TMEM39B: variants seen among roughly 807,000 people sequenced by gnomAD.
TMEM39B encodes the protein transmembrane protein 39B.
TMEM39B carries 23 observed loss-of-function variants against 52.2 expected under a neutral mutation model. That is an observed-to-expected ratio of 0.44 (90% CI 0.32 to 0.62). The LOEUF is 0.62. Among genes scored for constraint, TMEM39B ranks in the 20% least tolerant of loss-of-function variants. The pLI is 0.06. For missense variants in TMEM39B, 547 were observed against 642.0 expected, an observed-to-expected ratio of 0.85 and a Z score of 1.60; for synonymous variants, 285 against 264.0, an observed-to-expected ratio of 1.08 and a Z score of -0.77.
chr1:32,081,772 T>C lies in TMEM39B; in HGVS notation c.590+4454T>C, dbSNP rs189416039. Among the ~76,000 whole-genome samples, 9 of 152,212 alleles carry C rather than the reference T, an allele frequency of 5.9e-5. No individual in the cohort carries two copies. The East Asian group carries it at 1.5e-3, about 26-fold the overall frequency. ...CAAAAAAAAGAAAATTATTGATTTA[T>C]TTTAGAATTGAATAAGAGGTTTACA... On this transcript the variant is annotated intron_variant, in intron 5 of 8. Coordinates refer to ENST00000336294, the MANE Select transcript of TMEM39B (RefSeq NM_018056.4).
At chr1:32,087,749 AC>A (rs1303721573) in intron 5 of TMEM39B, 1 of 139,168 alleles carries the variant, frequency 7.2e-6, no homozygotes, top group South Asian at 2.5e-4. Context: ...ACCCAGGTTC[AC>A]ACCATTCTCC....
At chr1:32,081,438 G>T (rs1640097628) in intron 5 of TMEM39B, among the ~76,000 whole-genome samples, 2 of 151,802 alleles carry the variant, frequency 1.3e-5, no homozygotes, top group African/African-American at 4.8e-5. Context: ...TACCTAGCCT[G>T]CTTATTCTTT....
upstream of TMEM39B, among the ~76,000 whole-genome samples, chr1:32,072,727 TGA>T (rs1639689299): frequency 6.6e-6 from 1 of 152,174 alleles, no homozygotes; most frequent in African/African-American, 2.4e-5. Context: ...CAGGAGATGC[TGA>T]GAGAAGACAC....
At position 32,072,958 on chromosome 1, in the gene TMEM39B, C is replaced by T. The variant is rs903498478; in HGVS notation, c.-90C>T. ...GCGGCTGATACCCGGGACTGGGCTG[C>T]GGCGGTTAGTCCTCTCCCGGCCGCC... On this transcript the variant is annotated 5_prime_UTR_variant, in exon 1 of 9. Coordinates refer to ENST00000336294, the MANE Select transcript of TMEM39B (RefSeq NM_018056.4). 5 of 1,493,528 alleles carry T rather than the reference C, an allele frequency of 3.3e-6. No individual in the cohort carries two copies. Among genetic ancestry groups the T allele is most frequent in the African/African-American group, 2.9e-5 (2 of 70,022 alleles). 92.5% of individuals were successfully genotyped at this position (1,493,528 alleles called of 1,614,324 possible). A position where few individuals can be genotyped will look rare whatever the true frequency, so the allele number is the denominator to read the frequency against.
intron 3 of TMEM39B, 103 bp from the exon 4 acceptor site, chr1:32,076,660 G>A: frequency 8.6e-6 from 10 of 1,168,772 alleles, no homozygotes; most frequent in South Asian, 1.3e-5. Context: ...AGAGAATGAG[G>A]ACAGTCTCTG....
chr1:32,091,729 C>T lies in TMEM39B; in HGVS notation c.645C>T (p.Ser215=). 1 of 1,614,030 alleles carries T rather than the reference C, an allele frequency of 6.2e-7. No individual in the cohort carries two copies. Among genetic ancestry groups the T allele is most frequent in the South Asian group, 1.1e-5 (1 of 91,062 alleles). Residue 215 remains serine, a synonymous_variant, in exon 6 of 9, where the codon AGC becomes AGT. Coordinates refer to ENST00000336294, the MANE Select transcript of TMEM39B (RefSeq NM_018056.4). ...LQLNCDLRKT[S]LFNHMASMGP... ...TGAATTGCGACCTCCGCAAGACAAG[C>T]CTCTTCAACCACATGGCCTCCATGG...
chr1:32,102,715 A>G lies in TMEM39B; in HGVS notation c.*42A>G, dbSNP rs555467766. 2 of 1,419,486 alleles carry G rather than the reference A, an allele frequency of 1.4e-6. No individual in the cohort carries two copies. Among genetic ancestry groups the G allele is most frequent in the Non-Finnish European group, 1.9e-6 (2 of 1,078,426 alleles). The allele number at this position is 1,419,486 out of a possible 1,614,324, so 87.9% of individuals were successfully genotyped here. A position where few individuals can be genotyped will look rare whatever the true frequency, so the allele number is the denominator to read the frequency against. ...AGGGACAGCGTCCAGGCTTCAGCCA[A>G]GGGCTCCCTGGCAAGGGGCTGTTGG... On this transcript the variant is annotated 3_prime_UTR_variant, in exon 9 of 9. Transcript: ENST00000336294.
At chr1:32,076,999 A>C (rs1639890689) in intron 4 of TMEM39B, among the ~76,000 whole-genome samples, 153 bp downstream of exon 4, 1 of 152,020 alleles carries the variant, frequency 6.6e-6, no homozygotes. Context: ...CCCATCTTGG[A>C]GTTTACTGGG....
intron 7 of TMEM39B, 41 bp downstream of exon 7, chr1:32,095,012 T>C (rs768531603): frequency 1.9e-6 from 3 of 1,600,342 alleles, no homozygotes; most frequent in Middle Eastern, 1.7e-4. Flanking sequence ...CCAGCCCTTC[T>C]GGTCAGCATC....
chr1:32,097,176 T>G (rs993063000), intron 7 of TMEM39B, among the ~76,000 whole-genome samples: 2 of 152,066 alleles, frequency 1.3e-5, no homozygotes, highest in African/African-American at 4.8e-5. Flanking sequence ...CACCCCTCAT[T>G]CAAGATATAG....
chr1:32,087,316 T>C (rs1640395632), intron 5 of TMEM39B, among the ~76,000 whole-genome samples: 1 of 52,534 alleles, frequency 1.9e-5, no homozygotes, highest in Admixed American at 3.5e-4. Context: ...AGACTCCGTC[T>C]CACAAAAAAA....
chr1:32,080,447 C>G (rs1388532192), intron 5 of TMEM39B, among the ~76,000 whole-genome samples: 1 of 151,338 alleles, frequency 6.6e-6, no homozygotes, highest in African/African-American at 2.4e-5. Context: ...GGGTGGATCA[C>G]GAGGTCAGGA....
chr1:32,094,436 C>T (rs898450401), intron 6 of TMEM39B, among the ~76,000 whole-genome samples: 7 of 152,124 alleles, frequency 4.6e-5, no homozygotes, highest in Non-Finnish European at 1.0e-4. Context: ...AGTAGTTGCT[C>T]TATCCTCATT....
At chr1:32,084,081 T>G (rs1446371687) in intron 5 of TMEM39B, among the ~76,000 whole-genome samples, 2 of 152,216 alleles carry the variant, frequency 1.3e-5, no homozygotes, top group African/African-American at 4.8e-5. Flanking sequence ...TCATAGCACA[T>G]TTTAGTTTGC....
At chr1:32,083,547 C>T (rs1007214378) in intron 5 of TMEM39B, among the ~76,000 whole-genome samples, 6 of 150,616 alleles carry the variant, frequency 4.0e-5, no homozygotes, top group African/African-American at 1.2e-4. Flanking sequence ...CTCAGCCTCC[C>T]GAGTAGCTGG....
chr1:32,079,185 CTTTT>C (rs763260333), intron 5 of TMEM39B, among the ~76,000 whole-genome samples: 5 of 129,166 alleles, frequency 3.9e-5, no homozygotes, highest in Admixed American at 8.0e-5. Flanking sequence ...CTATTTCTTT[CTTTT>C]TTTTTTTTTT....
At chr1:32,092,637 T>C (rs1191264955) in intron 6 of TMEM39B, among the ~76,000 whole-genome samples, 2 of 151,794 alleles carry the variant, frequency 1.3e-5, no homozygotes, top group Admixed American at 6.6e-5. Context: ...ATCATAGACA[T>C]GTGCCACCAT....
intron 7 of TMEM39B, among the ~76,000 whole-genome samples, chr1:32,096,012 G>C (rs764393193): frequency 6.6e-6 from 1 of 152,164 alleles, no homozygotes; most frequent in Non-Finnish European, 1.5e-5. Flanking sequence ...GGTCCTTCGC[G>C]TGGCTTCCCA....
chr1:32,076,830 G>C lies in TMEM39B; in HGVS notation c.419G>C (p.Gly140Ala), dbSNP rs1219025339. 1.2e-6 allele frequency: 2 copies of C among 1,614,060 alleles called. No individual in the cohort carries two copies. The highest frequency in any genetic ancestry group is 8.5e-7 in the Non-Finnish European group (1 of 1,180,022). The change falls in exon 4 of 9, where the codon GGG (glycine) becomes GCG (alanine). Residue 140 changes from glycine to alanine, a missense_variant. Physicochemically the swap from Gly to Ala is moderately conservative, Grantham distance 60. Coordinates refer to ENST00000336294, the MANE Select transcript of TMEM39B (RefSeq NM_018056.4). ...ATCGTTCTGGGCCGCCGCTTCATTG[G>C]GTCCATCGTGAAGGAGGTGATTGGG... ...TTIVLGRRFI[G>A]SIVKEASQRG...
Sources: gnomAD v4.1 joint callset for allele counts (sites outside exome capture counted in the v4.1 genomes callset) on GRCh38, gnomAD v4.1.1 for gene constraint, MANE v1.5 for transcripts, NCBI Gene and HGNC (gene_info 2026-07-23, HGNC 2026-07-21) for gene names.